CDC42BPA: variants seen among roughly 807,000 people sequenced by gnomAD.
The protein encoded by CDC42BPA is serine/threonine-protein kinase MRCK alpha.
A neutral mutation model predicts 223.5 loss-of-function variants in CDC42BPA; 80 were observed. That is an observed-to-expected ratio of 0.36 (90% CI 0.30 to 0.43). CDC42BPA has a LOEUF of 0.43. Among genes scored for constraint, CDC42BPA ranks in the 20% least tolerant of loss-of-function variants. The probability of loss-of-function intolerance (pLI) is 1.00; values close to 1 mark genes in which losing one functional copy is unlikely to be tolerated. For missense variants in CDC42BPA, 1,743 were observed against 2,099.9 expected (o/e 0.83, Z 3.32); for synonymous variants, 694 against 718.6 (o/e 0.97, Z 0.55).
intron 7 of CDC42BPA, among the ~76,000 whole-genome samples, chr1:227,146,414 A>G (rs929859267): frequency 2.0e-5 from 3 of 152,156 alleles, no homozygotes; most frequent in Non-Finnish European, 4.4e-5. Context: ...CTTTATAACT[A>G]TATGAAACAT....
At chr1:227,111,852 G>A (rs1325459200) in intron 14 of CDC42BPA, 1 of 152,646 alleles carries the variant, frequency 6.6e-6, no homozygotes, top group East Asian at 1.9e-4. Context: ...TTAAGAATAG[G>A]TAGTCTAACT....
rs367953487 is a variant in CDC42BPA, at chr1:227,125,602, T to TGA, written c.1513+3506_1513+3507insTC. On this transcript the variant is annotated intron_variant, in intron 11 of 36. Coordinates refer to ENST00000366766, the MANE Select transcript of CDC42BPA (RefSeq NM_001394014.1). ...ACAGAGTGAGACTCTGTCTACAAAT[T>TGA]AAAAAAAAAAAAAAAAAAAAGAGTG... Among the ~76,000 whole-genome samples the TGA allele has an allele frequency of 3.7e-3, 440 of 117,576 alleles. 6 individuals carry two copies. Among genetic ancestry groups the TGA allele is most frequent in the Middle Eastern group, 8.8e-3 (2 of 228 alleles). 77.1% of individuals were successfully genotyped at this position (117,576 alleles called of 152,430 possible). A position where few individuals can be genotyped will look rare whatever the true frequency, so the allele number is the denominator to read the frequency against.
chr1:226,994,623 G>T lies in CDC42BPA; in HGVS notation c.5133+200C>A, dbSNP rs1048495172. 6.6e-6 allele frequency among the ~76,000 whole-genome samples: 1 copy of T among 152,158 alleles called. No homozygotes were observed. The highest frequency in any genetic ancestry group is 1.5e-5 in the Non-Finnish European group (1 of 68,024). On this transcript the variant is annotated intron_variant, in intron 36 of 36. Transcript: ENST00000366766. This position sits in a 1 kb window ranked among gnomAD's most constrained non-coding sequence, Gnocchi z 4.0. ...CAGATGATGGTATTTTCACACAAAA[G>T]CCAGAAGTCTGAATGCCTCTGGGAA...
Position 227,029,221 on chromosome 1 carries a change from T to A in CDC42BPA, c.3868A>T (p.Ile1290Phe), listed in dbSNP as rs1405122768. The change falls in exon 30 of 37, where the codon ATT becomes TTT. Residue 1290 changes from isoleucine (I) to phenylalanine (F), a missense_variant. This residue lies in a region of CDC42BPA where 678 missense variants were observed against 777.5 expected (regional missense o/e 0.87). Transcript: ENST00000366766. ...TTTGGAATGAGTTCAATCTGATGAA[T>A]CTTCTTATTGTCACCAACTCTAATA... Reference protein sequence around the residue: ...EIIRVGDNKKIHQIELIPNDQ... With the variant: ...EIIRVGDNKKFHQIELIPNDQ... 6.3e-7 allele frequency: 1 copy of A among 1,591,898 alleles called. No homozygotes were observed. The highest frequency in any genetic ancestry group is 8.5e-7 in the Non-Finnish European group (1 of 1,173,766).
In CDC42BPA at chr1:227,294,631, C is replaced by A. The variant is rs546517046; in HGVS notation, c.178+22374G>T. Among the ~76,000 whole-genome samples the A allele has an allele frequency of 1.9e-4, 14 of 73,096 alleles. 2 individuals are homozygous for A. The South Asian group carries it at 5.4e-3, about 28-fold the overall frequency. 48.0% of individuals were successfully genotyped at this position (73,096 alleles called of 152,430 possible). ...ATCCCAGCACTTTGGGAGGCCGAGG[C>A]GGGCGGATCACGAGGTCAGGAGATC... On this transcript the variant is annotated intron_variant, in intron 1 of 36. Transcript: ENST00000366766.
chr1:227,268,235 T>C (rs141710889), intron 1 of CDC42BPA, among the ~76,000 whole-genome samples: 11 of 152,288 alleles, frequency 7.2e-5, no homozygotes, highest in Non-Finnish European at 1.0e-4. Context: ...CATTTGTTTA[T>C]GTATTGTTTT....
chr1:227,156,706 G>C (rs1461269022), intron 6 of CDC42BPA, among the ~76,000 whole-genome samples: 1 of 152,182 alleles, frequency 6.6e-6, no homozygotes, highest in African/African-American at 2.4e-5. Flanking sequence ...TCTGGAATTT[G>C]CATTTCGAAT....
intron 22 of CDC42BPA, among the ~76,000 whole-genome samples, chr1:227,051,607 T>C (rs1466458065): frequency 6.6e-6 from 1 of 152,164 alleles, no homozygotes; most frequent in African/African-American, 2.4e-5. Flanking sequence ...ATTCAAAAAT[T>C]TACATAATTA....
intron 4 of CDC42BPA, among the ~76,000 whole-genome samples, chr1:227,198,183 G>A (rs1011698005): frequency 2.0e-5 from 3 of 151,904 alleles, no homozygotes; most frequent in Non-Finnish European, 4.4e-5. Context: ...GGGCATGGTG[G>A]CTCATGCCTG....
At chr1:227,291,311 G>A (rs1414687527) in intron 1 of CDC42BPA, among the ~76,000 whole-genome samples, 1 of 152,140 alleles carries the variant, frequency 6.6e-6, no homozygotes, top group African/African-American at 2.4e-5. Context: ...CAGTTTGGGA[G>A]GCCGAAGCAG....
rs765598716 is a variant in CDC42BPA at position 227,051,924 on chromosome 1, C to T, written c.2966G>A (p.Arg989Gln). The T allele has an allele frequency of 1.2e-5, 16 of 1,366,292 alleles. No homozygotes were observed. The highest frequency in any genetic ancestry group is 1.9e-5 in the Admixed American group (1 of 52,546). The allele number at this position is 1,366,292 out of a possible 1,614,324, so 84.6% of individuals were successfully genotyped here. A position where few individuals can be genotyped will look rare whatever the true frequency, so the allele number is the denominator to read the frequency against. Residue 989 changes from arginine (R) to glutamine (Q), a missense_variant, in exon 22 of 37, where the codon CGG (arginine) becomes CAG (glutamine). Arg to Gln is a conservative substitution (Grantham distance 43, BLOSUM62 1). Around this residue, in one of 6 missense-constraint regions of CDC42BPA, gnomAD observed 678 missense variants for 777.5 expected, o/e 0.87. Transcript: ENST00000366766. ...ACTAGATGTGGAAGGAGATGTGGAC[C>T]GTGACTGGATGTGAAACTTGACGCT... ...NPSVKFHIQSRSTSPSTSSEA... is the reference protein window; with the variant it reads ...NPSVKFHIQSQSTSPSTSSEA...
At chr1:227,187,792 G>A (rs961942172) in intron 5 of CDC42BPA, among the ~76,000 whole-genome samples, 1 of 148,726 alleles carries the variant, frequency 6.7e-6, no homozygotes, top group African/African-American at 2.5e-5. Context: ...AACACCTTAT[G>A]CATAGAGGAA....
At chr1:227,288,330 G>T (rs115576012) in intron 1 of CDC42BPA, among the ~76,000 whole-genome samples, 2 of 152,070 alleles carry the variant, frequency 1.3e-5, no homozygotes, top group South Asian at 4.1e-4. Flanking sequence ...AGCTGTGATC[G>T]TGCCACTATA....
intron 2 of CDC42BPA, among the ~76,000 whole-genome samples, chr1:227,214,986 G>A (rs993643307): frequency 1.3e-5 from 2 of 152,146 alleles, no homozygotes; most frequent in Non-Finnish European, 2.9e-5. Flanking sequence ...TCATTTGGCA[G>A]CATGTAGTGA....
chr1:227,271,609 T>A (rs1163134185), intron 1 of CDC42BPA, among the ~76,000 whole-genome samples: 1 of 152,174 alleles, frequency 6.6e-6, no homozygotes, highest in East Asian at 1.9e-4. Flanking sequence ...GTTCATCTAC[T>A]TTGCCTCCTA....
chr1:227,007,827 A>G (rs1664387537), intron 34 of CDC42BPA, among the ~76,000 whole-genome samples: 1 of 152,238 alleles, frequency 6.6e-6, no homozygotes, highest in Non-Finnish European at 1.5e-5. Context: ...TATCTTACCT[A>G]AATGGTTTTA....
chr1:227,072,220 TA>T lies in CDC42BPA; in HGVS notation c.2814del (p.Arg939AspfsTer6). 1 of 1,598,214 alleles carries T rather than the reference TA, an allele frequency of 6.3e-7. No individual in the cohort carries two copies. The highest frequency in any genetic ancestry group is 8.6e-7 in the Non-Finnish European group (1 of 1,166,858). On this transcript the variant is annotated frameshift_variant, in exon 20 of 37. Transcript: ENST00000366766. LOFTEE classifies it high-confidence loss of function. ...IEQLIKDTEELRSEKGIEHQD... is the reference protein window; with the variant it reads ...IEQLIKDTEEXRSEKGIEHQD... Reference sequence around the variant, plus strand: ...CACACTCCCATACCCTTTTCAGATCTAAGCTCTTCAGTGTCCTTTATCAGCT... The same window carrying T: ...CACACTCCCATACCCTTTTCAGATCTAGCTCTTCAGTGTCCTTTATCAGCT...
At chr1:227,096,920 C>G (rs1259700865) in intron 15 of CDC42BPA, among the ~76,000 whole-genome samples, 1 of 152,160 alleles carries the variant, frequency 6.6e-6, no homozygotes, top group Non-Finnish European at 1.5e-5. Context: ...CCAAGCACCA[C>G]AAGTTCAATA....
At chr1:227,210,287 A>C (rs1673642525) in intron 3 of CDC42BPA, among the ~76,000 whole-genome samples, 1 of 152,072 alleles carries the variant, frequency 6.6e-6, no homozygotes, top group Admixed American at 6.6e-5. Context: ...TTTATCTTAA[A>C]CTTTCTTTGT....
Sources: allele counts gnomAD v4.1 joint callset (sites outside exome capture counted in the v4.1 genomes callset), GRCh38; gene constraint gnomAD v4.1.1; regional missense constraint gnomAD v4.1.1; non-coding constraint Gnocchi (gnomAD v3.1); transcripts MANE v1.5; gene names NCBI Gene and HGNC (gene_info 2026-07-23, HGNC 2026-07-21).